The following FAT1 variants were observed in gnomAD, a reference collection of about 807,000 sequenced individuals.
The protein encoded by FAT1 is protocadherin Fat 1.
A neutral mutation model predicts 329.8 loss-of-function variants in FAT1; 171 were observed. The observed-to-expected ratio is 0.52, with a 90% confidence interval of 0.46 to 0.59. FAT1 has a LOEUF of 0.59. FAT1 is among the 20% of genes least tolerant of loss of function. The pLI is 0.00. For missense variants in FAT1, 5,672 were observed against 5,774.4 expected (o/e 0.98, Z 0.57); for synonymous variants, 2,233 against 2,228.6 (o/e 1.00, Z -0.06).
At chr4:186,647,929 A>G (rs555478197) in intron 3 of FAT1, among the ~76,000 whole-genome samples, 1 of 152,312 alleles carries the variant, frequency 6.6e-6, no homozygotes, top group South Asian at 2.1e-4. Flanking sequence ...AGAATCAGCA[A>G]CATTAAGGAC....
Position 186,636,796 on chromosome 4 carries a change from A to G in FAT1, c.3761T>C (p.Leu1254Pro). The change falls in exon 5 of 27, where the codon CTC (leucine) becomes CCC (proline). Residue 1254 changes from leucine (L) to proline (P), a missense_variant. Around this residue, in one of 2 missense-constraint regions of FAT1, gnomAD observed 3,966 missense variants for 3,915.2 expected, o/e 1.01. Transcript: ENST00000441802. ...QFLQKFYKIR[L>P]PEREKPDRER... Reference sequence around the variant, plus strand: ...TCGGTCTGGCTTTTCCCGCTCAGGGAGTCTGATTTTGTAGAACTTTTGCAG... The same window carrying G: ...TCGGTCTGGCTTTTCCCGCTCAGGGGGTCTGATTTTGTAGAACTTTTGCAG... 6.2e-7 allele frequency: 1 copy of G among 1,613,788 alleles called. No individual in the cohort carries two copies. Among genetic ancestry groups the G allele is most frequent in the Non-Finnish European group, 8.5e-7 (1 of 1,179,860 alleles).
intron 3 of FAT1, among the ~76,000 whole-genome samples, chr4:186,658,994 G>A (rs1279445542): frequency 2.0e-5 from 3 of 152,232 alleles, no homozygotes; most frequent in South Asian, 4.1e-4. Flanking sequence ...ACTGCATAAC[G>A]ACGTGTCAGT....
chr4:186,649,931 A>C (rs567373823), intron 3 of FAT1, among the ~76,000 whole-genome samples: 1 of 152,268 alleles, frequency 6.6e-6, no homozygotes. Context: ...TACTGAAAAA[A>C]TATTTTCTAA....
rs780683385 is a variant in FAT1, at chr4:186,706,625, TCCC to T, written c.3200_3202del (p.Gly1067del). ...GCCATCTCTAATGGAGTATCGGATC[TCCC>T]CATCTCTTCTGGCGTCCTCATCATG... On this transcript the variant is annotated inframe_deletion, in exon 2 of 27. Transcript: ENST00000441802. The T allele has an allele frequency of 4.3e-6, 7 of 1,613,828 alleles. No homozygotes were observed. The East Asian group carries it at 1.3e-4, about 31-fold the overall frequency.
In FAT1 at chr4:186,613,345, A is replaced by G. The variant is rs2126476551; in HGVS notation, c.9230-3T>C. 2 of 1,605,766 alleles carry G rather than the reference A, an allele frequency of 1.2e-6. No individual in the cohort carries two copies. The highest frequency in any genetic ancestry group is 1.7e-6 in the Non-Finnish European group (2 of 1,172,418). Reference sequence around the variant, plus strand: ...GGGGGTTGACGTTTTCAGTTCACCTACAAACAAAAACAAATGGACTCACTT... The same window carrying G: ...GGGGGTTGACGTTTTCAGTTCACCTGCAAACAAAAACAAATGGACTCACTT... On this transcript the variant is annotated splice_polypyrimidine_tract_variant and splice_region_variant and intron_variant, in intron 12 of 26. Coordinates refer to ENST00000441802, the MANE Select transcript of FAT1 (RefSeq NM_005245.4).
rs2126704705 is a variant in FAT1, at chr4:186,709,505, A to T, written c.323T>A (p.Leu108His). 1.2e-6 allele frequency: 2 copies of T among 1,613,992 alleles called. No individual in the cohort carries two copies. Among genetic ancestry groups the T allele is most frequent in the Non-Finnish European group, 1.7e-6 (2 of 1,179,888 alleles). Residue 108 changes from leucine to histidine, a missense_variant, in exon 2 of 27, where the codon CTT (leucine) becomes CAT (histidine). By Grantham distance (99) the Leu-to-His change is moderately conservative. Around this residue, in one of 2 missense-constraint regions of FAT1, gnomAD observed 3,966 missense variants for 3,915.2 expected, o/e 1.01. Coordinates refer to ENST00000441802, the MANE Select transcript of FAT1 (RefSeq NM_005245.4). ...IRTKGGNTAI[L>H]NREVKDHYTL... ...GTAGTGATCCTTCACTTCTCTATTA[A>T]GAATAGCTGTATTTCCTCCTTTGGT...
intron 2 of FAT1, among the ~76,000 whole-genome samples, chr4:186,679,915 G>A (rs138092870): frequency 7.2e-5 from 11 of 152,238 alleles, no homozygotes; most frequent in African/African-American, 2.2e-4. Context: ...TTTTTATAAC[G>A]TGCCATCTAA....
chr4:186,597,147 G>A lies in FAT1; in HGVS notation c.12393C>T (p.Cys4131=), dbSNP rs1360632767. 6.2e-7 allele frequency: 1 copy of A among 1,611,354 alleles called. No homozygotes were observed. The highest frequency in any genetic ancestry group is 1.1e-5 in the South Asian group (1 of 90,562). The change falls in exon 25 of 27, where the codon TGC becomes TGT. Residue 4131 remains cysteine, a synonymous_variant. Coordinates refer to ENST00000441802, the MANE Select transcript of FAT1 (RefSeq NM_005245.4). ...GERCQSDIDE[C]SGNPCLHGAL... Reference sequence around the variant, plus strand: ...CCCCGTGCAGGCAAGGGTTTCCAGAGCACTCGTCGATATCACTCTGACACC... The same window carrying A: ...CCCCGTGCAGGCAAGGGTTTCCAGAACACTCGTCGATATCACTCTGACACC...
At chr4:186,644,184 T>C (rs904008456) in intron 3 of FAT1, among the ~76,000 whole-genome samples, 3 of 152,176 alleles carry the variant, frequency 2.0e-5, no homozygotes, top group African/African-American at 7.2e-5. Context: ...TGCTGTATTA[T>C]AGTATTTCAA....
In FAT1 at chr4:186,684,490, G is replaced by A. The variant is rs146678906; in HGVS notation, c.3266-20877C>T. Among the ~76,000 whole-genome samples the A allele has an allele frequency of 5.8e-3, 878 of 152,224 alleles. 11 individuals are homozygous for A. Among genetic ancestry groups the A allele is most frequent in the African/African-American group, 0.02 (850 of 41,524 alleles). ...TCCTCCCCGGGATGCACCTGCCTCC[G>A]CCCGAACACTGCCATGCACAGAAAA... On this transcript the variant is annotated intron_variant, in intron 2 of 26. Transcript: ENST00000441802.
intron 2 of FAT1, among the ~76,000 whole-genome samples, chr4:186,687,203 C>T (rs910247051): frequency 7.9e-5 from 12 of 152,080 alleles, no homozygotes; most frequent in African/African-American, 2.7e-4. Flanking sequence ...ACAACCAGAA[C>T]CACAGCCACA....
intron 3 of FAT1, among the ~76,000 whole-genome samples, chr4:186,661,188 T>TA (rs1054993930): frequency 6.6e-6 from 1 of 152,176 alleles, no homozygotes; most frequent in African/African-American, 2.4e-5. Flanking sequence ...GAACCCCTGT[T>TA]AGTCTTTGGT....
At chr4:186,694,191 T>C (rs1375051579) in intron 2 of FAT1, among the ~76,000 whole-genome samples, 1 of 152,136 alleles carries the variant, frequency 6.6e-6, no homozygotes, top group Non-Finnish European at 1.5e-5. Context: ...ACTCAACATC[T>C]CCCAAACTCA....
intron 3 of FAT1, among the ~76,000 whole-genome samples, chr4:186,662,348 C>T (rs1267506652): frequency 6.6e-6 from 1 of 152,124 alleles, no homozygotes; most frequent in African/African-American, 2.4e-5. Context: ...AACGCAGTCA[C>T]CACTTGTGCA....
chr4:186,627,189 G>T (rs1740352023), intron 9 of FAT1, among the ~76,000 whole-genome samples: 1 of 89,304 alleles, frequency 1.1e-5, no homozygotes, highest in Non-Finnish European at 2.2e-5. Flanking sequence ...AATGAATGAG[G>T]GACCAACATG....
In FAT1 at chr4:186,603,255, A is replaced by G. The variant is rs2126425342; in HGVS notation, c.11271T>C (p.Ser3757=). Residue 3757 remains serine, a synonymous_variant, in exon 19 of 27, where the codon AGT becomes AGC. Coordinates refer to ENST00000441802, the MANE Select transcript of FAT1 (RefSeq NM_005245.4). ...FCDEKVSVDE[S]VMSTHSTARL... is the part of the protein sequence containing the mutation. The stretch of plus-strand genomic sequence containing the variant: ...TGGCTGTGCTGTGTGTTGACATCAC[A>G]CTTTCATCCACAGACACCTTTTCAT... 1 of 1,613,830 alleles carries G rather than the reference A, an allele frequency of 6.2e-7. No homozygotes were observed. Among genetic ancestry groups the G allele is most frequent in the Middle Eastern group, 1.6e-4 (1 of 6,062 alleles).
In FAT1 at chr4:186,603,410, T is replaced by C. The variant is rs754369682; in HGVS notation, c.11116A>G (p.Ile3706Val). ...LFVEKPGSAQ[I>V]STKQLLHKIN... ...TTGTGCAGAAGTTGTTTTGTTGAGA[T>C]CTGAGCACTACCTGGTTTCTCTACA... The change falls in exon 19 of 27, where the codon ATC becomes GTC. Residue 3706 changes from isoleucine (I) to valine (V), a missense_variant. Coordinates refer to ENST00000441802, the MANE Select transcript of FAT1 (RefSeq NM_005245.4). The C allele has an allele frequency of 5.6e-6, 9 of 1,614,016 alleles. No individual in the cohort carries two copies. The highest frequency in any genetic ancestry group is 7.6e-6 in the Non-Finnish European group (9 of 1,179,890).
At chr4:186,696,434 C>A (rs1579464053) in intron 2 of FAT1, among the ~76,000 whole-genome samples, 1 of 152,138 alleles carries the variant, frequency 6.6e-6, no homozygotes, top group African/African-American at 2.4e-5. Flanking sequence ...GGCAACAAAT[C>A]GAAAGAAGAG....
Position 186,595,806 on chromosome 4 carries a change from G to A in FAT1, c.13021C>T (p.Pro4341Ser). ...TCTAGAGGCTTCTTGGAAAGACAGG[G>A]ATCAAGATCCACCACTTTTGCTAAA... is the stretch of plus-strand genomic sequence containing the variant. Reference protein sequence around the residue: ...DYDTKVVDLDPCLSKKPLEEK... With the variant: ...DYDTKVVDLDSCLSKKPLEEK... Residue 4341 changes from proline to serine, a missense_variant, in exon 26 of 27, where the codon CCC becomes TCC. This residue lies in a region of FAT1 where 1,706 missense variants were observed against 1,859.1 expected (regional missense o/e 0.92). Coordinates refer to ENST00000441802, the MANE Select transcript of FAT1 (RefSeq NM_005245.4). 6.2e-7 allele frequency: 1 copy of A among 1,613,864 alleles called. No individual in the cohort carries two copies. The highest frequency in any genetic ancestry group is 8.5e-7 in the Non-Finnish European group (1 of 1,179,884).
Sources: allele counts gnomAD v4.1 joint callset (sites outside exome capture counted in the v4.1 genomes callset), GRCh38; gene constraint gnomAD v4.1.1; regional missense constraint gnomAD v4.1.1; transcripts MANE v1.5; gene names NCBI Gene and HGNC (gene_info 2026-07-23, HGNC 2026-07-21).